Variants in FANCM observed in about 807,000 individuals in gnomAD.
FANCM encodes the protein Fanconi anemia group M protein.
In FANCM, 140 loss-of-function variants were observed where a neutral mutation model predicts 199.5. The ratio of observed to expected loss-of-function variants is 0.70; its 90% CI spans 0.61 to 0.81. The LOEUF (loss-of-function observed/expected upper bound fraction) is 0.81. FANCM is among the 30% of genes least tolerant of loss of function. FANCM has a pLI of 0.00. For missense variants in FANCM, 2,410 were observed against 2,421.4 expected (o/e 1.00, Z 0.10); for synonymous variants, 840 against 836.8 (o/e 1.00, Z -0.07).
chr14:45,141,067 T>A (rs924093407), intron 3 of FANCM, among the ~76,000 whole-genome samples: 24 of 151,906 alleles, frequency 1.6e-4, no homozygotes, highest in African/African-American at 5.6e-4. Context: ...GGTGGGCGGA[T>A]CACAAGGTCA....
intron 12 of FANCM, among the ~76,000 whole-genome samples, chr14:45,171,049 G>A (rs1175823644): frequency 6.6e-6 from 1 of 151,508 alleles, no homozygotes; most frequent in African/African-American, 2.4e-5. Flanking sequence ...TTCTATATAG[G>A]CATAATCTTA....
intron 3 of FANCM, among the ~76,000 whole-genome samples, chr14:45,141,010 C>G (rs1456695893): frequency 6.6e-6 from 1 of 152,122 alleles, no homozygotes; most frequent in Non-Finnish European, 1.5e-5. Context: ...GTGCTGCAGC[C>G]TTGGTGACAG....
Position 45,199,854 on chromosome 14 carries a change from C to T in FANCM, c.6009-16C>T. 1.2e-6 allele frequency: 2 copies of T among 1,609,770 alleles called. No individual in the cohort carries two copies. Among genetic ancestry groups the T allele is most frequent in the Non-Finnish European group, 8.5e-7 (1 of 1,176,978 alleles). ...AAAAGTCCTAGTGTAATGATTTTGT[C>T]TCATTTATTTTTCAGCTCACTTCAA... On this transcript the variant is annotated splice_polypyrimidine_tract_variant and intron_variant, in intron 22 of 22. Transcript: ENST00000267430.
At chr14:45,192,909 C>T (rs1273373299) in intron 20 of FANCM, among the ~76,000 whole-genome samples, 1 of 152,120 alleles carries the variant, frequency 6.6e-6, no homozygotes, top group African/African-American at 2.4e-5. Context: ...AAGTTTAGAA[C>T]CCCTGGGAGT....
intron 20 of FANCM, among the ~76,000 whole-genome samples, chr14:45,191,429 C>G (rs1428803979): frequency 6.6e-6 from 1 of 152,160 alleles, no homozygotes; most frequent in Non-Finnish European, 1.5e-5. Flanking sequence ...AGCCTGGGTG[C>G]CTCCACACTG....
chr14:45,159,756 C>A (rs1037331948), intron 9 of FANCM, among the ~76,000 whole-genome samples: 1 of 151,922 alleles, frequency 6.6e-6, no homozygotes, highest in Admixed American at 6.6e-5. Context: ...TCAGAAGAAA[C>A]CATGATAGTA....
Position 45,140,812 on chromosome 14 carries a change from G to A in FANCM, c.759+103G>A, listed in dbSNP as rs1885864998. On this transcript the variant is annotated intron_variant, in intron 3 of 22. Transcript: ENST00000267430. ...TCCTAGTGCTTTGGGAGGTGGAGAT[G>A]GGAGGATCACTTGAGGCCAGGAATT... is the stretch of plus-strand genomic sequence containing the variant. 7.3e-5 allele frequency: 57 copies of A among 782,906 alleles called. No homozygotes were observed. The South Asian group carries it at 8.0e-4, about 11-fold the overall frequency. The allele number at this position is 782,906 out of a possible 1,614,324, so 48.5% of individuals were successfully genotyped here.
At chr14:45,186,245 ACAT>A (rs1264088167) in intron 18 of FANCM, among the ~76,000 whole-genome samples, 1 of 152,206 alleles carries the variant, frequency 6.6e-6, no homozygotes, top group African/African-American at 2.4e-5. Flanking sequence ...TGAGAAGGTG[ACAT>A]CATCAGAGAC....
chr14:45,191,133 G>A (rs372662866), intron 20 of FANCM, among the ~76,000 whole-genome samples: 2 of 152,114 alleles, frequency 1.3e-5, no homozygotes, highest in Non-Finnish European at 2.9e-5. Context: ...CATATATGAC[G>A]TGTCCTTATG....
rs202182765 is a variant in FANCM, at chr14:45,136,027, G to A, written c.-5G>A. 117 of 1,612,928 alleles carry A rather than the reference G, an allele frequency of 7.3e-5. No individual in the cohort carries two copies. The highest frequency in any genetic ancestry group is 9.7e-5 in the Non-Finnish European group (114 of 1,179,998). ...TGACAGAAGCCTTCGGTGGTTGTCG[G>A]CCTAATGAGCGGACGGCAAAGAACG... is the stretch of plus-strand genomic sequence containing the variant. On this transcript the variant is annotated 5_prime_UTR_variant, in exon 1 of 23. Transcript: ENST00000267430.
chr14:45,142,416 C>T (rs1376326810), intron 3 of FANCM, among the ~76,000 whole-genome samples: 1 of 151,634 alleles, frequency 6.6e-6, no homozygotes, highest in Non-Finnish European at 1.5e-5. Context: ...AAGCTATTCT[C>T]CTGCCTCAGC....
At chr14:45,149,933 G>A (rs1305541653) in intron 4 of FANCM, among the ~76,000 whole-genome samples, 2 of 152,078 alleles carry the variant, frequency 1.3e-5, no homozygotes, top group East Asian at 3.8e-4. Context: ...GGATAGGACA[G>A]CAACCCCACA....
At chr14:45,172,250 G>A (rs1051237784) in intron 12 of FANCM, among the ~76,000 whole-genome samples, 1 of 152,070 alleles carries the variant, frequency 6.6e-6, no homozygotes, top group Admixed American at 6.6e-5. Context: ...CTGTGCAAAA[G>A]CATTTAGTTT....
chr14:45,197,700 G>C (rs1203157044), intron 21 of FANCM, among the ~76,000 whole-genome samples: 2 of 150,868 alleles, frequency 1.3e-5, no homozygotes, highest in African/African-American at 2.4e-5. Flanking sequence ...CTTGACCTCA[G>C]GTGATCTGCC....
At chr14:45,184,940 A>ATT (rs1176189406) in intron 17 of FANCM, among the ~76,000 whole-genome samples, 4 of 139,108 alleles carry the variant, frequency 2.9e-5, no homozygotes, top group Non-Finnish European at 4.7e-5. Flanking sequence ...CACCCTGCCA[A>ATT]TTTTTTTTTT....
chr14:45,161,999 A>G (rs1887639135), intron 9 of FANCM, among the ~76,000 whole-genome samples: 1 of 152,194 alleles, frequency 6.6e-6, no homozygotes, highest in Admixed American at 6.5e-5. Flanking sequence ...AGAGTGGGAT[A>G]TGAGATAAAG....
rs1889579241 is a variant in FANCM, at chr14:45,188,908, T to C, written c.4886T>C (p.Leu1629Ser). The C allele has an allele frequency of 6.2e-7, 1 of 1,613,768 alleles. No individual in the cohort carries two copies. Among genetic ancestry groups the C allele is most frequent in the African/African-American group, 1.3e-5 (1 of 74,942 alleles). Residue 1629 changes from leucine to serine, a missense_variant, in exon 20 of 23, where the codon TTA becomes TCA. Transcript: ENST00000267430. ...GAAGAAGTTTGTGTTGATTTTAACTTAATAACTGATGATTGCTTTGCAAAT... is the reference window on the plus strand; with the variant it reads ...GAAGAAGTTTGTGTTGATTTTAACTCAATAACTGATGATTGCTTTGCAAAT... ...SEEEVCVDFN[L>S]ITDDCFANSK...
At chr14:45,196,602 A>G in intron 21 of FANCM, 55 bp downstream of exon 21, 2 of 1,537,494 alleles carry the variant, frequency 1.3e-6, no homozygotes, top group Non-Finnish European at 1.8e-6. Context: ...TTTACGGTTA[A>G]CTTAGTTTAT....
intron 14 of FANCM, among the ~76,000 whole-genome samples, chr14:45,180,059 A>G (rs993154989): frequency 3.9e-5 from 6 of 152,200 alleles, no homozygotes; most frequent in African/African-American, 1.4e-4. Flanking sequence ...ACCACTGTCT[A>G]GTTCCAAAGC....
Sources: gnomAD v4.1 joint callset for allele counts (sites outside exome capture counted in the v4.1 genomes callset) on GRCh38, gnomAD v4.1.1 for gene constraint, MANE v1.5 for transcripts, NCBI Gene and HGNC (gene_info 2026-07-23, HGNC 2026-07-21) for gene names.